The following CTNNA3 variants were observed in gnomAD, a reference collection of about 807,000 sequenced individuals.
CTNNA3 encodes the protein catenin alpha 3, also known as catenin alpha-3.
Under a neutral mutation model 95.7 loss-of-function variants are expected in CTNNA3, and 76 were observed. The ratio of observed to expected loss-of-function variants is 0.79; its 90% CI spans 0.66 to 0.96. The LOEUF is 0.96. Among genes scored for constraint, CTNNA3 ranks in the 40% least tolerant of loss-of-function variants. CTNNA3 has a pLI of 0.00. For missense variants in CTNNA3, 1,191 were observed against 1,089.8 expected, an observed-to-expected ratio of 1.09 and a Z score of -1.31; for synonymous variants, 431 against 374.4, an observed-to-expected ratio of 1.15 and a Z score of -1.74.
intron 9 of CTNNA3, among the ~76,000 whole-genome samples, chr10:66,661,053 A>T (rs981424312): frequency 6.6e-6 from 1 of 152,158 alleles, no homozygotes; most frequent in African/African-American, 2.4e-5. Context: ...TACTGAATAA[A>T]TTATAGCTAT....
chr10:66,759,297 C>A (rs989962500), intron 9 of CTNNA3, among the ~76,000 whole-genome samples: 1 of 152,172 alleles, frequency 6.6e-6, no homozygotes, highest in South Asian at 2.1e-4. Flanking sequence ...TTGGATCCTA[C>A]TTGCTTCAGG....
At chr10:66,193,961 T>C (rs1008661193) in intron 13 of CTNNA3, among the ~76,000 whole-genome samples, 5 of 152,150 alleles carry the variant, frequency 3.3e-5, no homozygotes, top group African/African-American at 1.2e-4. Context: ...AATATAATTA[T>C]AATATAACCC....
At chr10:67,134,080 A>G (rs1293411671) in intron 7 of CTNNA3, among the ~76,000 whole-genome samples, 1 of 152,142 alleles carries the variant, frequency 6.6e-6, no homozygotes, top group African/African-American at 2.4e-5. Flanking sequence ...ACTGGGATAT[A>G]AACTCTAGCC....
chr10:67,211,268 GAA>G lies in CTNNA3; in HGVS notation c.843+8337_843+8338del, dbSNP rs572025128. 6.4e-3 allele frequency among the ~76,000 whole-genome samples: 872 copies of G among 136,226 alleles called. 7 individuals are homozygous for G. Among genetic ancestry groups the G allele is most frequent in the African/African-American group, 0.021 (815 of 37,974 alleles). The allele number at this position is 136,226 out of a possible 152,430, so 89.4% of individuals were successfully genotyped here. On this transcript the variant is annotated intron_variant, in intron 6 of 17. Coordinates refer to ENST00000433211, the MANE Select transcript of CTNNA3 (RefSeq NM_013266.4). ...CATTTTGGTTTTTTCAAGTTTTGGA[GAA>G]AAAAAAAAAAACATTACTATAACTG...
At chr10:66,379,502 A>C in intron 11 of CTNNA3, 150 bp from the exon 12 acceptor site, 1 of 690,142 alleles carries the variant, frequency 1.4e-6, no homozygotes, top group South Asian at 2.0e-5. Context: ...AATTGGAGAC[A>C]TATTTTGCTT....
chr10:66,812,828 T>A (rs879578795), intron 7 of CTNNA3, among the ~76,000 whole-genome samples: 9 of 152,128 alleles, frequency 5.9e-5, no homozygotes, highest in Non-Finnish European at 1.0e-4. Flanking sequence ...TTTATCACAA[T>A]TTTTTTATCT....
At chr10:66,226,003 A>G (rs1040712438) in intron 13 of CTNNA3, among the ~76,000 whole-genome samples, 5 of 152,224 alleles carry the variant, frequency 3.3e-5, no homozygotes, top group Admixed American at 1.3e-4. Context: ...ATTTTCTCCC[A>G]TTCTACAGGT....
intron 16 of CTNNA3, among the ~76,000 whole-genome samples, chr10:65,987,859 G>A (rs953693826): frequency 2.6e-5 from 4 of 151,982 alleles, no homozygotes; most frequent in Admixed American, 6.6e-5. Flanking sequence ...CAGGCACAAA[G>A]AAAAATGAAA....
intron 1 of CTNNA3, among the ~76,000 whole-genome samples, chr10:67,739,307 G>A (rs1841321377): frequency 6.6e-6 from 1 of 152,066 alleles, no homozygotes; most frequent in African/African-American, 2.4e-5. Flanking sequence ...TTTTTACCAG[G>A]GCAATTAGGC....
At chr10:67,031,179 A>G (rs1043858046) in intron 7 of CTNNA3, among the ~76,000 whole-genome samples, 7 of 152,154 alleles carry the variant, frequency 4.6e-5, no homozygotes, top group Admixed American at 2.6e-4. Context: ...TATAAATAAA[A>G]CCCTCTGATT....
rs1847125537 is a variant in CTNNA3 at position 66,927,093 on chromosome 10, A to C, written c.1048-151569T>G. 6.2e-7 allele frequency: 1 copy of C among 1,614,220 alleles called. No individual in the cohort carries two copies. The highest frequency in any genetic ancestry group is 8.5e-7 in the Non-Finnish European group (1 of 1,180,046). On this transcript the variant is annotated intron_variant, in intron 7 of 17. Transcript: ENST00000433211. This position sits in a 1 kb window ranked among gnomAD's most constrained non-coding sequence, Gnocchi z 4.7. ...AATTACAGGAGATACCCTCAAGTATATCTGCTGGTTGCTTAGGTTTGTCCC... is the reference window on the plus strand; with the variant it reads ...AATTACAGGAGATACCCTCAAGTATCTCTGCTGGTTGCTTAGGTTTGTCCC...
chr10:66,393,700 C>CT (rs1160868996), intron 11 of CTNNA3, among the ~76,000 whole-genome samples: 2 of 152,040 alleles, frequency 1.3e-5, no homozygotes, highest in Non-Finnish European at 2.9e-5. Flanking sequence ...GTTTGAGTCT[C>CT]TCTTCTTTTC....
intron 13 of CTNNA3, among the ~76,000 whole-genome samples, chr10:66,182,590 G>T (rs891292282): frequency 1.3e-5 from 2 of 151,988 alleles, no homozygotes; most frequent in Non-Finnish European, 2.9e-5. Flanking sequence ...CATCTCATGT[G>T]GTTCCTAAGA....
At chr10:66,603,326 C>T (rs1844000420) in intron 10 of CTNNA3, among the ~76,000 whole-genome samples, 1 of 151,906 alleles carries the variant, frequency 6.6e-6, no homozygotes, top group East Asian at 1.9e-4. Flanking sequence ...AACAAGAAAG[C>T]AGTAACATTT....
At chr10:66,807,664 A>G (rs1446140433) in intron 7 of CTNNA3, among the ~76,000 whole-genome samples, 1 of 152,192 alleles carries the variant, frequency 6.6e-6, no homozygotes, top group Non-Finnish European at 1.5e-5. Flanking sequence ...CTATTAGCTC[A>G]AAACTATTTT....
At chr10:66,226,760 A>G (rs1005133420) in intron 13 of CTNNA3, among the ~76,000 whole-genome samples, 1 of 151,898 alleles carries the variant, frequency 6.6e-6, no homozygotes, top group Non-Finnish European at 1.5e-5. Flanking sequence ...TTCATTGTAG[A>G]GAATTTTCAA....
chr10:67,097,598 A>G lies in CTNNA3; in HGVS notation c.1047+82719T>C, dbSNP rs1158966677. ...TCATTTTTCCCCAGATACCTTTATCAATGAATGTGTCAACCTTTCTGGCAT... is the reference window on the plus strand; with the variant it reads ...TCATTTTTCCCCAGATACCTTTATCGATGAATGTGTCAACCTTTCTGGCAT... On this transcript the variant is annotated intron_variant, in intron 7 of 17. Coordinates refer to ENST00000433211, the MANE Select transcript of CTNNA3 (RefSeq NM_013266.4). 14 of 1,612,236 alleles carry G rather than the reference A, an allele frequency of 8.7e-6. 1 individual carries two copies. The South Asian group carries it at 1.5e-4, about 18-fold the overall frequency.
intron 13 of CTNNA3, among the ~76,000 whole-genome samples, chr10:66,231,204 G>A (rs574845005): frequency 6.6e-6 from 1 of 152,124 alleles, no homozygotes; most frequent in Non-Finnish European, 1.5e-5. Context: ...TGGGAATGTG[G>A]ACTACTGAGG....
intron 11 of CTNNA3, among the ~76,000 whole-genome samples, chr10:66,446,429 A>G (rs2093421914): frequency 6.6e-6 from 1 of 152,000 alleles, no homozygotes; most frequent in African/African-American, 2.4e-5. Flanking sequence ...TCCTCAATAA[A>G]ATACTGGCAA....
Sources: allele counts gnomAD v4.1 joint callset (sites outside exome capture counted in the v4.1 genomes callset), GRCh38; gene constraint gnomAD v4.1.1; non-coding constraint Gnocchi (gnomAD v3.1); transcripts MANE v1.5; gene names NCBI Gene and HGNC (gene_info 2026-07-23, HGNC 2026-07-21).